Variants in PTPRR observed in about 807,000 individuals in gnomAD.
PTPRR encodes receptor-type tyrosine-protein phosphatase R.
A neutral mutation model predicts 77.2 loss-of-function variants in PTPRR; 38 were observed. The observed-to-expected ratio is 0.49, with a 90% CI of 0.38 to 0.65. PTPRR has a LOEUF of 0.65. Ranked by LOEUF, PTPRR falls within the 30% of genes least tolerant of loss-of-function variation. The pLI, the probability that PTPRR is intolerant of heterozygous loss-of-function variation, is 0.00. For synonymous variants in PTPRR, 299 were observed against 283.1 expected, an observed-to-expected ratio of 1.06 and a Z score of -0.57; for missense variants, 744 against 799.2, an observed-to-expected ratio of 0.93 and a Z score of 0.83.
intron 2 of PTPRR, among the ~76,000 whole-genome samples, chr12:70,864,308 T>C (rs1392976762): frequency 6.6e-6 from 1 of 152,174 alleles, no homozygotes; most frequent in African/African-American, 2.4e-5. Context: ...GGGAATGCTC[T>C]TTGCAACAGG....
At chr12:70,771,933 G>A (rs1042799915) in intron 2 of PTPRR, among the ~76,000 whole-genome samples, 1 of 152,140 alleles carries the variant, frequency 6.6e-6, no homozygotes, top group Non-Finnish European at 1.5e-5. Flanking sequence ...TTATTCAGTT[G>A]TTTGGGCAAA....
intron 1 of PTPRR, among the ~76,000 whole-genome samples, chr12:70,905,873 T>C (rs1298997054): frequency 6.6e-6 from 1 of 151,986 alleles, no homozygotes; most frequent in Non-Finnish European, 1.5e-5. Context: ...TGTAATCATT[T>C]TTTGAAAAGA....
At chr12:70,754,807 C>A in intron 4 of PTPRR, 4 of 1,376,578 alleles carry the variant, frequency 2.9e-6, no homozygotes, top group Non-Finnish European at 3.9e-6. Context: ...TTCTTTTAAT[C>A]ACATCTTTTT....
chr12:70,676,581 T>G (rs1887455299), intron 10 of PTPRR, among the ~76,000 whole-genome samples: 1 of 152,054 alleles, frequency 6.6e-6, no homozygotes, highest in Non-Finnish European at 1.5e-5. Flanking sequence ...TTTATTTTAA[T>G]TGACACAGAA....
At chr12:70,812,378 G>A (rs1304110100) in intron 2 of PTPRR, among the ~76,000 whole-genome samples, 1 of 152,162 alleles carries the variant, frequency 6.6e-6, no homozygotes, top group Admixed American at 6.5e-5. Flanking sequence ...GAACATGAGA[G>A]CTTTCATGAA....
At chr12:70,662,696 C>T in intron 10 of PTPRR, 91 bp from the exon 11 acceptor site, 1 of 623,216 alleles carries the variant, frequency 1.6e-6, no homozygotes, top group South Asian at 2.5e-5. Flanking sequence ...AGTTTTATAT[C>T]ATTAGTTTTA....
At chr12:70,771,506 C>T (rs556306244) in intron 2 of PTPRR, among the ~76,000 whole-genome samples, 91 of 152,012 alleles carry the variant, frequency 6.0e-4, no homozygotes, top group African/African-American at 2.0e-3. Flanking sequence ...TCCAGTGTTC[C>T]CATGTCGCAA....
intron 5 of PTPRR, among the ~76,000 whole-genome samples, chr12:70,748,819 G>C (rs1324351949): frequency 6.6e-6 from 1 of 152,146 alleles, no homozygotes; most frequent in Non-Finnish European, 1.5e-5. Context: ...AATTAGTTCT[G>C]AAAGAGTTCA....
Position 70,684,748 on chromosome 12 carries a change from C to T in PTPRR, c.1315G>A (p.Val439Ile), listed in dbSNP as rs35390084. Reference protein sequence around the residue: ...LSRVCLRPKNVTDSLSTYINA... With the variant: ...LSRVCLRPKNITDSLSTYINA... ...ATGTAGGTGCTCAATGAATCGGTTA[C>T]ATTTTTTGGTCTTAAACACACTCTG... is the stretch of plus-strand genomic sequence containing the variant. Residue 439 changes from valine to isoleucine, a missense_variant, in exon 9 of 14, where the codon GTA becomes ATA. Physicochemically the swap from Val to Ile is conservative, Grantham distance 29. This residue lies in a region of PTPRR where 570 missense variants were observed against 573.2 expected (regional missense o/e 0.99). Transcript: ENST00000283228. The T allele has an allele frequency of 0.043, 68,712 of 1,604,992 alleles. 1,797 individuals are homozygous for T. The highest frequency in any genetic ancestry group is 0.047 in the Non-Finnish European group (54,850 of 1,173,264).
At position 70,670,586 on chromosome 12, in the gene PTPRR, A is replaced by AAT. The variant is rs563910284; in HGVS notation, c.1498-7983_1498-7982dup. The stretch of plus-strand genomic sequence containing the variant: ...AGAAAACATCTTCCACTGTGTATGT[A>AAT]ATATGGTCAACATGTATACCTACTT... On this transcript the variant is annotated intron_variant, in intron 10 of 13. Coordinates refer to ENST00000283228, the MANE Select transcript of PTPRR (RefSeq NM_002849.4). 3.4e-3 allele frequency among the ~76,000 whole-genome samples: 512 copies of AAT among 152,356 alleles called. 3 individuals carry two copies. The highest frequency in any genetic ancestry group is 0.012 in the African/African-American group (486 of 41,588).
chr12:70,837,460 C>T (rs1411062557), intron 2 of PTPRR, among the ~76,000 whole-genome samples: 1 of 152,088 alleles, frequency 6.6e-6, no homozygotes, highest in Admixed American at 6.6e-5. Flanking sequence ...TTACAACATG[C>T]TTCTGACACA....
At chr12:70,834,213 T>A (rs191102699) in intron 2 of PTPRR, among the ~76,000 whole-genome samples, 137 of 152,334 alleles carry the variant, frequency 9.0e-4, no homozygotes, top group African/African-American at 3.2e-3. Flanking sequence ...TTTGCTTATG[T>A]AATCTTTAAA....
intron 13 of PTPRR, among the ~76,000 whole-genome samples, chr12:70,640,753 G>A (rs145644799): frequency 9.1e-4 from 139 of 152,186 alleles, no homozygotes; most frequent in African/African-American, 3.3e-3. Flanking sequence ...TCTAGTTAAT[G>A]GTAATAATAA....
At chr12:70,804,585 A>C (rs1891677019) in intron 2 of PTPRR, among the ~76,000 whole-genome samples, 1 of 152,134 alleles carries the variant, frequency 6.6e-6, no homozygotes, top group Non-Finnish European at 1.5e-5. Flanking sequence ...AGCTAATTAA[A>C]TAAGAAGTAA....
In PTPRR at chr12:70,698,762, C is replaced by T. The variant is rs1488056145; in HGVS notation, c.1195-413G>A. ...TACTATAATAGATTATCTTTTCACA[C>T]TAATAGTGACTCTTTTAGGATTATT... On this transcript the variant is annotated intron_variant, in intron 7 of 13. Coordinates refer to ENST00000283228, the MANE Select transcript of PTPRR (RefSeq NM_002849.4). Among the ~76,000 whole-genome samples the T allele has an allele frequency of 8.5e-5, 13 of 152,210 alleles. No homozygotes were observed. In the South Asian group the frequency reaches 1.2e-3, roughly 15 times the overall value.
At chr12:70,719,619 A>T (rs1347929231) in intron 6 of PTPRR, among the ~76,000 whole-genome samples, 1 of 152,138 alleles carries the variant, frequency 6.6e-6, no homozygotes, top group Non-Finnish European at 1.5e-5. Context: ...TCTACAACAA[A>T]TCTGTATCAT....
At chr12:70,920,206 A>T (rs1368319934) in intron 1 of PTPRR, 127 bp downstream of exon 1, 2 of 973,274 alleles carry the variant, frequency 2.1e-6, no homozygotes, top group Non-Finnish European at 3.1e-6. Context: ...CTTCCCTGTC[A>T]GGTACTGTCC....
intron 6 of PTPRR, among the ~76,000 whole-genome samples, chr12:70,721,375 G>A (rs1889246529): frequency 6.6e-6 from 1 of 152,166 alleles, no homozygotes; most frequent in Non-Finnish European, 1.5e-5. Flanking sequence ...GAATAACAAT[G>A]GACAGCCACC....
intron 13 of PTPRR, chr12:70,639,478 C>T: frequency 2.9e-6 from 4 of 1,365,660 alleles, no homozygotes; most frequent in Non-Finnish European, 3.8e-6. Context: ...AAGGGCTTAA[C>T]ACAGTTCCCA....
Sources: gnomAD v4.1 joint callset for allele counts (sites outside exome capture counted in the v4.1 genomes callset) on GRCh38, gnomAD v4.1.1 for gene constraint, gnomAD v4.1.1 regional missense constraint, MANE v1.5 for transcripts, NCBI Gene and HGNC (gene_info 2026-07-23, HGNC 2026-07-21) for gene names.